Variants in ZNF148 observed in about 807,000 individuals in gnomAD.
ZNF148 encodes zinc finger protein 148, also known as Beta-Enolase Repressor Factor-1.
ZNF148 carries 7 observed loss-of-function variants against 67.7 expected under a neutral mutation model. The observed-to-expected ratio is 0.10, with a 90% CI of 0.06 to 0.19. The LOEUF is 0.19. ZNF148 is among the 10% of genes least tolerant of loss of function. The probability of loss-of-function intolerance (pLI) is 1.00; values close to 1 mark genes in which losing one functional copy is unlikely to be tolerated. For missense variants in ZNF148, 583 were observed against 947.1 expected, an observed-to-expected ratio of 0.62 and a Z score of 5.05; for synonymous variants, 333 against 330.7, an observed-to-expected ratio of 1.01 and a Z score of -0.08.
intron 7 of ZNF148, among the ~76,000 whole-genome samples, chr3:125,251,179 T>G (rs1361043035): frequency 3.9e-5 from 6 of 152,162 alleles, no homozygotes; most frequent in Admixed American, 3.9e-4. Context: ...AAATAGAACA[T>G]TATGAGCACT....
intron 2 of ZNF148, 64 bp downstream of exon 2, chr3:125,331,094 T>C: frequency 2.5e-6 from 1 of 398,442 alleles, no homozygotes; most frequent in East Asian, 3.6e-5. Flanking sequence ...TGTAAGTATG[T>C]GTAGTAACAT....
At chr3:125,345,199 T>C (rs1304806570) in intron 1 of ZNF148, among the ~76,000 whole-genome samples, 1 of 152,114 alleles carries the variant, frequency 6.6e-6, no homozygotes, top group African/African-American at 2.4e-5. Flanking sequence ...ATGGTAACAG[T>C]GTATTTTCTA....
chr3:125,234,852 T>G (rs1010119827), intron 7 of ZNF148, among the ~76,000 whole-genome samples: 2 of 152,192 alleles, frequency 1.3e-5, no homozygotes, highest in African/African-American at 4.8e-5. Context: ...TTTATTCTTT[T>G]CCTCAACTCA....
chr3:125,349,656 G>C (rs1942067315), intron 1 of ZNF148, among the ~76,000 whole-genome samples: 1 of 152,184 alleles, frequency 6.6e-6, no homozygotes, highest in Non-Finnish European at 1.5e-5. Flanking sequence ...CAGCCACTGT[G>C]GAAAACAACT....
rs1295969070 is a variant in ZNF148 at position 125,354,032 on chromosome 3, CATA to C, written c.-234+21067_-234+21069del. ...CTATTTTTCATCATTTACGTTTTTCCATAATAAAAGGTTAATAAAAATATAAGA... is the reference window on the plus strand; with the variant it reads ...CTATTTTTCATCATTTACGTTTTTCCATAAAAGGTTAATAAAAATATAAGA... On this transcript the variant is annotated intron_variant, in intron 1 of 8. Coordinates refer to ENST00000360647, the MANE Select transcript of ZNF148 (RefSeq NM_021964.3). Among the ~76,000 whole-genome samples the C allele has an allele frequency of 2.6e-5, 4 of 152,026 alleles. No homozygotes were observed. In the East Asian group the frequency reaches 7.7e-4, roughly 29 times the overall value.
At chr3:125,353,312 A>G (rs1480937216) in intron 1 of ZNF148, among the ~76,000 whole-genome samples, 1 of 152,078 alleles carries the variant, frequency 6.6e-6, no homozygotes, top group Admixed American at 6.5e-5. Flanking sequence ...ACATAAAGGG[A>G]TAGCAAGAGG....
intron 1 of ZNF148, among the ~76,000 whole-genome samples, chr3:125,351,454 C>A (rs1048013883): frequency 1.5e-5 from 2 of 133,852 alleles, no homozygotes; most frequent in African/African-American, 2.9e-5. Context: ...AAAATGAAAA[C>A]GTTCTAGAGA....
chr3:125,308,447 A>AG (rs1456970102), intron 4 of ZNF148, among the ~76,000 whole-genome samples: 1 of 149,450 alleles, frequency 6.7e-6, no homozygotes. Flanking sequence ...GGGAGCCATT[A>AG]TTGTTTAGAT....
At chr3:125,310,322 C>T (rs891809334) in intron 4 of ZNF148, among the ~76,000 whole-genome samples, 1 of 151,882 alleles carries the variant, frequency 6.6e-6, no homozygotes, top group African/African-American at 2.4e-5. Context: ...TCAAGTAATC[C>T]GCCACTTTAG....
chr3:125,241,899 A>G (rs564419057), intron 7 of ZNF148, among the ~76,000 whole-genome samples: 19 of 152,350 alleles, frequency 1.2e-4, no homozygotes, highest in African/African-American at 4.3e-4. Context: ...CTATTTCCCT[A>G]TAACTCACTA....
intron 5 of ZNF148, among the ~76,000 whole-genome samples, chr3:125,286,596 G>A (rs1409068820): frequency 6.6e-6 from 1 of 151,980 alleles, no homozygotes; most frequent in East Asian, 1.9e-4. Context: ...GAAACAAAAG[G>A]ACTACAACTT....
In ZNF148 at chr3:125,226,412, T is replaced by C. The variant is rs1935633552; in HGVS notation, c.*5929A>G. The stretch of plus-strand genomic sequence containing the variant: ...ATTTTTCAAACAGCCAGTGTCCACA[T>C]TTAAAATGCAGAATTTGCAAATATT... On this transcript the variant is annotated 3_prime_UTR_variant, in exon 9 of 9. Transcript: ENST00000360647. 1 of 152,558 alleles carries C rather than the reference T, an allele frequency of 6.6e-6. No homozygotes were observed. Among genetic ancestry groups the C allele is most frequent in the African/African-American group, 2.4e-5 (1 of 41,586 alleles). 9.5% of individuals were successfully genotyped at this position (152,558 alleles called of 1,614,324 possible).
intron 1 of ZNF148, among the ~76,000 whole-genome samples, chr3:125,370,344 C>T (rs9289251): frequency 0.011 from 1,615 of 152,210 alleles, 35 homozygotes; most frequent in African/African-American, 0.036. Flanking sequence ...CCTACAATAC[C>T]CCCAAAGTAC....
chr3:125,304,675 G>A (rs1007016323), intron 4 of ZNF148, among the ~76,000 whole-genome samples: 4 of 152,160 alleles, frequency 2.6e-5, no homozygotes, highest in Admixed American at 1.3e-4. Context: ...GATAGATATG[G>A]AAATTATAGA....
At chr3:125,279,297 G>GT in intron 5 of ZNF148, 50 bp from the exon 6 acceptor site, 1 of 1,370,476 alleles carries the variant, frequency 7.3e-7, no homozygotes, top group Non-Finnish European at 9.7e-7. Flanking sequence ...TTTTTAAAAT[G>GT]TAATTAAATA....
chr3:125,311,711 A>C (rs909728153), intron 4 of ZNF148, among the ~76,000 whole-genome samples: 1 of 152,098 alleles, frequency 6.6e-6, no homozygotes, highest in Non-Finnish European at 1.5e-5. Context: ...TAAGACAAGA[A>C]AAAAAGAAAA....
Position 125,277,714 on chromosome 3 carries a change from G to T in ZNF148, c.667+12C>A. The T allele has an allele frequency of 1.3e-6, 2 of 1,599,248 alleles. No individual in the cohort carries two copies. The highest frequency in any genetic ancestry group is 2.2e-5 in the South Asian group (2 of 88,994). ...CATTTTAATGAACCTAGTAAGGGTG[G>T]TTAACACTCACCAGTATGAATCTTC... On this transcript the variant is annotated intron_variant, in intron 7 of 8. Coordinates refer to ENST00000360647, the MANE Select transcript of ZNF148 (RefSeq NM_021964.3).
chr3:125,282,167 C>T (rs1378612119), intron 5 of ZNF148, among the ~76,000 whole-genome samples: 1 of 152,074 alleles, frequency 6.6e-6, no homozygotes, highest in South Asian at 2.1e-4. Context: ...AGAATAAAAT[C>T]CCTTAGCAGA....
intron 1 of ZNF148, among the ~76,000 whole-genome samples, chr3:125,366,986 AGATATATTTGT>A: frequency 6.6e-6 from 1 of 152,350 alleles, no homozygotes; most frequent in South Asian, 2.1e-4. Context: ...TGTGACTCAC[AGATATATTTGT>A]GATTATAGTA....
Sources: allele counts gnomAD v4.1 joint callset (sites outside exome capture counted in the v4.1 genomes callset), GRCh38; gene constraint gnomAD v4.1.1; transcripts MANE v1.5; gene names NCBI Gene and HGNC (gene_info 2026-07-23, HGNC 2026-07-21).